The following POU2AF2 variants were observed in gnomAD, a reference collection of about 807,000 sequenced individuals.
POU2AF2 encodes POU domain class 2-associating factor 2.
chr11:111,271,217 G>A, the POU2AF2 span, among the ~76,000 whole-genome samples: 2 of 151,970 alleles, frequency 1.3e-5, no homozygotes, highest in Non-Finnish European at 2.9e-5. Flanking sequence ...CAGCCACTCG[G>A]GAGGCTAAGG....
the POU2AF2 span, among the ~76,000 whole-genome samples, chr11:111,271,292 C>T: frequency 6.6e-6 from 1 of 151,820 alleles, no homozygotes. Context: ...CGCTGCACTG[C>T]AGCCTGGGTG....
chr11:111,274,930 G>T, the POU2AF2 span, among the ~76,000 whole-genome samples: 18 of 152,156 alleles, frequency 1.2e-4, no homozygotes, highest in African/African-American at 4.3e-4. Context: ...TCTATGCTTA[G>T]GTTCCCTCAC....
At chr11:111,283,947 T>C in the POU2AF2 span, 1 of 808,632 alleles carries the variant, frequency 1.2e-6, no homozygotes, top group Non-Finnish European at 2.0e-6. Flanking sequence ...CATTTCTCTA[T>C]TTCCATGTTA....
the POU2AF2 span, among the ~76,000 whole-genome samples, chr11:111,247,348 T>C: frequency 6.6e-6 from 1 of 152,078 alleles, no homozygotes; most frequent in African/African-American, 2.4e-5. Context: ...TACAGCTTCT[T>C]TGGGTATTGG....
chr11:111,264,608 G>T, the POU2AF2 span, among the ~76,000 whole-genome samples: 4 of 85,968 alleles, frequency 4.7e-5, no homozygotes, highest in Non-Finnish European at 2.6e-5. Context: ...AGAAAGAGAC[G>T]AAAGAAAGAA....
chr11:111,255,003 C>G, the POU2AF2 span, among the ~76,000 whole-genome samples: 7 of 152,268 alleles, frequency 4.6e-5, no homozygotes, highest in Admixed American at 3.9e-4. Context: ...TAAATGCTTT[C>G]TAGAATAGGC....
At chr11:111,250,836 C>G in the POU2AF2 span, among the ~76,000 whole-genome samples, 1 of 152,176 alleles carries the variant, frequency 6.6e-6, no homozygotes, top group Non-Finnish European at 1.5e-5. Flanking sequence ...ACAGCAGAGA[C>G]AGCCAGCGCA....
the POU2AF2 span, among the ~76,000 whole-genome samples, chr11:111,258,705 C>T: frequency 6.6e-6 from 1 of 152,246 alleles, no homozygotes; most frequent in East Asian, 1.9e-4. Flanking sequence ...ATACAGATCC[C>T]TGGACCTGTC....
the POU2AF2 span, among the ~76,000 whole-genome samples, chr11:111,278,552 C>G: frequency 1.7e-5 from 2 of 117,966 alleles, no homozygotes; most frequent in African/African-American, 6.9e-5. Context: ...TGATCTCTCT[C>G]TCTGTCTCTC....
chr11:111,281,547 C>T, the POU2AF2 span: 8 of 1,183,256 alleles, frequency 6.8e-6, no homozygotes, highest in East Asian at 1.4e-4. Flanking sequence ...AACTCTGCTC[C>T]TTTAAAATAG....
chr11:111,265,392 C>A, the POU2AF2 span, among the ~76,000 whole-genome samples: 1 of 152,072 alleles, frequency 6.6e-6, no homozygotes, highest in Non-Finnish European at 1.5e-5. Context: ...CCTTTCGGAG[C>A]CTCCAGCCCA....
the POU2AF2 span, chr11:111,286,204 C>T: frequency 1.3e-6 from 1 of 795,506 alleles, no homozygotes; most frequent in Non-Finnish European, 1.9e-6. Flanking sequence ...ATTTGTAATC[C>T]TCTCCACTGT....
the POU2AF2 span, among the ~76,000 whole-genome samples, chr11:111,272,110 A>G: frequency 6.6e-6 from 1 of 152,214 alleles, no homozygotes; most frequent in Admixed American, 6.5e-5. Context: ...ATTTCCAGGT[A>G]TGTGACATGC....
At chr11:111,259,044 T>C in the POU2AF2 span, among the ~76,000 whole-genome samples, 1 of 152,084 alleles carries the variant, frequency 6.6e-6, no homozygotes, top group African/African-American at 2.4e-5. Context: ...ATACAAGAAC[T>C]TAGCAACCAA....
chr11:111,272,302 C>T, the POU2AF2 span, among the ~76,000 whole-genome samples: 1 of 152,156 alleles, frequency 6.6e-6, no homozygotes, highest in African/African-American at 2.4e-5. Context: ...CTGCCCCCAC[C>T]CCCATACCTG....
chr11:111,276,479 T>TATAC, the POU2AF2 span, among the ~76,000 whole-genome samples: 1 of 122,960 alleles, frequency 8.1e-6, no homozygotes, highest in Admixed American at 8.3e-5. Flanking sequence ...TATATATATA[T>TATAC]ATATGTACAA....
At chr11:111,250,175 G>C in the POU2AF2 span, among the ~76,000 whole-genome samples, 1 of 151,882 alleles carries the variant, frequency 6.6e-6, no homozygotes, top group Admixed American at 6.6e-5. Flanking sequence ...TGCTGTTTTG[G>C]GGGGGTTGGG....
the POU2AF2 span, among the ~76,000 whole-genome samples, chr11:111,255,659 T>C: frequency 2.0e-5 from 3 of 152,236 alleles, no homozygotes; most frequent in South Asian, 2.1e-4. Flanking sequence ...CATCCAATCC[T>C]TGGACTTGTG....
chr11:111,275,763 G>T, the POU2AF2 span, among the ~76,000 whole-genome samples: 40,762 of 151,952 alleles, frequency 0.27, 5,758 homozygotes, highest in Admixed American at 0.34. Flanking sequence ...AATACATAAT[G>T]AGCACTCAAC....
Sources: allele counts gnomAD v4.1 joint callset (sites outside exome capture counted in the v4.1 genomes callset), GRCh38; gene constraint gnomAD v4.1.1; transcripts MANE v1.5; gene names NCBI Gene and HGNC (gene_info 2026-07-23, HGNC 2026-07-21).